ESR1: variants seen among roughly 807,000 people sequenced by gnomAD.
ESR1 encodes estrogen receptor 1, also known as estrogen receptor.
Under a neutral mutation model 52.7 loss-of-function variants are expected in ESR1, and 12 were observed. The observed-to-expected ratio is 0.23, with a 90% confidence interval of 0.15 to 0.37. ESR1 has a LOEUF of 0.37. Ranked by LOEUF, ESR1 falls within the 10% of genes least tolerant of loss-of-function variation. The pLI, the probability that ESR1 is intolerant of heterozygous loss-of-function variation, is 1.00. For synonymous variants in ESR1, 305 were observed against 316.8 expected (o/e 0.96, Z 0.39); for missense variants, 584 against 779.7 (o/e 0.75, Z 2.99).
At chr6:151,837,598 G>A (rs935275870) in intron 1 of ESR1, among the ~76,000 whole-genome samples, 12 of 152,028 alleles carry the variant, frequency 7.9e-5, no homozygotes, top group African/African-American at 2.9e-4. Flanking sequence ...TTGGTGCTTC[G>A]TGGTTGTAAT....
chr6:151,678,782 G>A (rs1287067653), intron 1 of ESR1, among the ~76,000 whole-genome samples: 1 of 151,896 alleles, frequency 6.6e-6, no homozygotes, highest in Non-Finnish European at 1.5e-5. Flanking sequence ...CACCTCCTGG[G>A]TTCAAGCGAT....
At chr6:152,115,380 GT>G (rs1459451235) in intron 6 of ESR1, among the ~76,000 whole-genome samples, 2 of 152,122 alleles carry the variant, frequency 1.3e-5, no homozygotes, top group African/African-American at 4.8e-5. Flanking sequence ...TCTCTGTCTT[GT>G]CCCTGATTGG....
intron 3 of ESR1, among the ~76,000 whole-genome samples, chr6:151,898,856 C>G (rs930983688): frequency 2.0e-5 from 3 of 152,214 alleles, no homozygotes; most frequent in Admixed American, 6.5e-5. Flanking sequence ...ACCTTTCCCC[C>G]CTTTCTATTC....
intron 6 of ESR1, among the ~76,000 whole-genome samples, chr6:152,117,476 G>A (rs938951212): frequency 2.0e-5 from 3 of 152,106 alleles, no homozygotes; most frequent in Admixed American, 6.5e-5. Context: ...ACATAATTGC[G>A]GTTTTCAAAT....
chr6:152,097,978 A>G (rs2050757742), intron 7 of ESR1, among the ~76,000 whole-genome samples: 1 of 152,212 alleles, frequency 6.6e-6, no homozygotes. Flanking sequence ...GAGCCTGCAG[A>G]GGCTTGAGGC....
rs865976020 is a variant in ESR1 at position 151,953,057 on chromosome 6, T to A, written c.1096+8549T>A. Among the ~76,000 whole-genome samples the A allele has an allele frequency of 5.9e-5, 9 of 152,314 alleles. No homozygotes were observed. The Middle Eastern group carries it at 0.01, about 173-fold the overall frequency. ...TGAGATTCCTTAATGTGATGACCGC[T>A]TGGACTGACTATAGTATAGCTGCGT... is the stretch of plus-strand genomic sequence containing the variant. On this transcript the variant is annotated intron_variant, in intron 4 of 7. Coordinates refer to ENST00000206249, the MANE Select transcript of ESR1 (RefSeq NM_000125.4).
intron 1 of ESR1, among the ~76,000 whole-genome samples, chr6:151,832,831 A>T (rs17081761): frequency 2.6e-5 from 4 of 152,162 alleles, no homozygotes; most frequent in African/African-American, 9.7e-5. Context: ...GCATGCAATA[A>T]GGAACACAGA....
intron 4 of ESR1, among the ~76,000 whole-genome samples, chr6:151,969,281 A>C (rs1224679541): frequency 6.6e-6 from 1 of 152,170 alleles, no homozygotes; most frequent in Non-Finnish European, 1.5e-5. Flanking sequence ...TAGATTTATG[A>C]ACTTGATTAT....
intron 2 of ESR1, among the ~76,000 whole-genome samples, chr6:151,745,570 A>T (rs1783421602): frequency 6.6e-6 from 1 of 152,150 alleles, no homozygotes; most frequent in South Asian, 2.1e-4. Flanking sequence ...GTTATATTTT[A>T]AATAATCAAC....
chr6:151,827,319 A>T (rs1378089127), intron 1 of ESR1, among the ~76,000 whole-genome samples: 1 of 144,286 alleles, frequency 6.9e-6, no homozygotes, highest in Non-Finnish European at 1.5e-5. Context: ...AGATCATGTC[A>T]GGGTGACAGA....
chr6:151,931,541 C>T (rs1382975903), intron 3 of ESR1, among the ~76,000 whole-genome samples: 6 of 150,652 alleles, frequency 4.0e-5, no homozygotes, highest in Admixed American at 1.3e-4. Context: ...CATGCTTGTG[C>T]GCTGCACCCA....
upstream of ESR1, among the ~76,000 whole-genome samples, chr6:151,686,162 C>CAA (rs992952171): frequency 6.8e-6 from 1 of 146,528 alleles, no homozygotes; most frequent in African/African-American, 2.6e-5. Flanking sequence ...TGATTTCTTC[C>CAA]AAAAGTATTT....
chr6:151,679,950 T>C (rs1360203851), intron 1 of ESR1, among the ~76,000 whole-genome samples: 1 of 152,174 alleles, frequency 6.6e-6, no homozygotes, highest in Non-Finnish European at 1.5e-5. Context: ...TCCCTACCCT[T>C]GTACTCCCCA....
At chr6:152,120,223 CT>C (rs2051279023) in intron 6 of ESR1, among the ~76,000 whole-genome samples, 1 of 152,296 alleles carries the variant, frequency 6.6e-6, no homozygotes, top group Non-Finnish European at 1.5e-5. Context: ...TCCATACCCC[CT>C]GAAGGGCAAA....
At chr6:151,667,345 GC>G (rs1174969590) in intron 1 of ESR1, among the ~76,000 whole-genome samples, 42 of 152,134 alleles carry the variant, frequency 2.8e-4, no homozygotes, top group African/African-American at 1.0e-3. Flanking sequence ...CATCACAGTA[GC>G]CCTCGAACCT....
chr6:151,998,730 G>A (rs9340953), intron 4 of ESR1, among the ~76,000 whole-genome samples: 15 of 151,930 alleles, frequency 9.9e-5, no homozygotes, highest in Admixed American at 2.0e-4. Context: ...CATATGTTTG[G>A]TTACCCTTCA....
In ESR1 at chr6:152,101,500, G is replaced by A. The variant is rs1173880987; in HGVS notation, c.*2534G>A. ...TTCATGTTAAGATACTACTACATTT[G>A]AAGTGGGCAGAGAACATCAGATGAT... On this transcript the variant is annotated 3_prime_UTR_variant, in exon 8 of 8. Transcript: ENST00000206249. 4.7e-5 allele frequency: 11 copies of A among 232,252 alleles called. No individual in the cohort carries two copies. The highest frequency in any genetic ancestry group is 9.4e-5 in the Non-Finnish European group (11 of 117,530). 14.4% of individuals were successfully genotyped at this position (232,252 alleles called of 1,614,324 possible).
chr6:151,716,114 A>G (rs1781011828), intron 2 of ESR1, among the ~76,000 whole-genome samples: 1 of 152,062 alleles, frequency 6.6e-6, no homozygotes. Context: ...GGTCTGCTGG[A>G]GTTTGCTGGA....
At chr6:151,794,869 A>G (rs1776536191) in intron 2 of ESR1, among the ~76,000 whole-genome samples, 1 of 152,180 alleles carries the variant, frequency 6.6e-6, no homozygotes, top group Admixed American at 6.5e-5. Context: ...GCAAACTGTC[A>G]TTTTGGAATG....
Sources: gnomAD v4.1 joint callset for allele counts (sites outside exome capture counted in the v4.1 genomes callset) on GRCh38, gnomAD v4.1.1 for gene constraint, MANE v1.5 for transcripts, NCBI Gene and HGNC (gene_info 2026-07-23, HGNC 2026-07-21) for gene names.